Variants in KIRREL3 observed in about 807,000 individuals in gnomAD.
KIRREL3 encodes kirre like nephrin family adhesion molecule 3.
Under a neutral mutation model 89.7 loss-of-function variants are expected in KIRREL3, and 36 were observed. The ratio of observed to expected loss-of-function variants is 0.40; its 90% CI spans 0.31 to 0.53. The LOEUF is 0.53. Among genes scored for constraint, KIRREL3 ranks in the 20% least tolerant of loss-of-function variants. The pLI is 0.49. For synonymous variants in KIRREL3, 445 were observed against 441.4 expected (o/e 1.01, Z -0.10); for missense variants, 864 against 1,056.6 (o/e 0.82, Z 2.53).
In KIRREL3 at chr11:126,892,309, G is replaced by T. The variant is rs1457907162; in HGVS notation, c.55+108146C>A. On this transcript the variant is annotated intron_variant, in intron 1 of 16. Coordinates refer to ENST00000525144, the MANE Select transcript of KIRREL3 (RefSeq NM_032531.4). This position sits in a 1 kb window ranked among gnomAD's most constrained non-coding sequence, Gnocchi z 5.4. Reference sequence around the variant, plus strand: ...CAGCAGAAGCTGAGGGACTCCAGGGGACCCCAGCCCTCCTCAGGACCCACC... The same window carrying T: ...CAGCAGAAGCTGAGGGACTCCAGGGTACCCCAGCCCTCCTCAGGACCCACC... Among the ~76,000 whole-genome samples the T allele has an allele frequency of 2.0e-5, 3 of 152,044 alleles. No individual in the cohort carries two copies. The highest frequency in any genetic ancestry group is 6.6e-5 in the Admixed American group (1 of 15,258).
chr11:126,665,621 C>T (rs534719562), intron 1 of KIRREL3, among the ~76,000 whole-genome samples: 13 of 152,304 alleles, frequency 8.5e-5, no homozygotes, highest in Admixed American at 2.6e-4. Context: ...AACCAGGAGG[C>T]GGGTCTGGAC....
At chr11:126,794,659 G>C (rs1207208914) in intron 1 of KIRREL3, among the ~76,000 whole-genome samples, 4 of 152,252 alleles carry the variant, frequency 2.6e-5, no homozygotes, top group Non-Finnish European at 5.9e-5. Context: ...TGAATGCAAA[G>C]TGGTACGGCC....
At chr11:126,679,298 T>G (rs1165553556) in intron 1 of KIRREL3, among the ~76,000 whole-genome samples, 1 of 152,220 alleles carries the variant, frequency 6.6e-6, no homozygotes, top group Non-Finnish European at 1.5e-5. Context: ...AAACAATATA[T>G]AGCCTTGTGG....
chr11:126,512,743 G>C (rs1958265478), intron 4 of KIRREL3, among the ~76,000 whole-genome samples: 1 of 152,184 alleles, frequency 6.6e-6, no homozygotes, highest in Non-Finnish European at 1.5e-5. Flanking sequence ...GGTCACGCTT[G>C]GTTCCAGCAG....
At chr11:126,458,314 C>G (rs1956439089) in intron 6 of KIRREL3, among the ~76,000 whole-genome samples, 2 of 152,238 alleles carry the variant, frequency 1.3e-5, no homozygotes, top group Admixed American at 6.5e-5. Flanking sequence ...CTCTTTCGGT[C>G]CCCATGGGGG....
intron 1 of KIRREL3, among the ~76,000 whole-genome samples, chr11:126,590,529 G>T (rs1380767265): frequency 6.6e-6 from 1 of 152,196 alleles, no homozygotes; most frequent in Admixed American, 6.5e-5. Context: ...GGCTGCATGC[G>T]GCCCTGCTGT....
chr11:126,446,323 CCTTT>C (rs1191664012), intron 9 of KIRREL3, among the ~76,000 whole-genome samples: 2 of 146,910 alleles, frequency 1.4e-5, no homozygotes, highest in East Asian at 2.0e-4. Context: ...TTCCTTTCTT[CCTTT>C]CTTTCTTTCC....
At chr11:126,926,560 C>A (rs117907660) in intron 1 of KIRREL3, among the ~76,000 whole-genome samples, 1 of 152,148 alleles carries the variant, frequency 6.6e-6, no homozygotes, top group Non-Finnish European at 1.5e-5. Context: ...TCTCTACACA[C>A]GTCCCTTGCC....
chr11:126,650,656 CT>C (rs2134969714), intron 1 of KIRREL3, among the ~76,000 whole-genome samples: 1 of 152,296 alleles, frequency 6.6e-6, no homozygotes, highest in African/African-American at 2.4e-5. Flanking sequence ...TATCAGGCTT[CT>C]GGTCAAAGCC....
In KIRREL3 at chr11:126,607,394, T is replaced by C. The variant is rs1369663632; in HGVS notation, c.56-44482A>G. On this transcript the variant is annotated intron_variant, in intron 1 of 16. Transcript: ENST00000525144. The surrounding 1 kb of genome is among the most constrained non-coding windows in gnomAD (Gnocchi z 6.6). ...TACTCTTGGCTGGGAGAGGAAGGGC[T>C]GGAGGAGAGATCAGGAAGGAGAGAT... Among the ~76,000 whole-genome samples, 19 of 151,956 alleles carry C rather than the reference T, an allele frequency of 1.3e-4. No homozygotes were observed. Among genetic ancestry groups the C allele is most frequent in the Admixed American group, 1.2e-3 (19 of 15,260 alleles).
At chr11:126,439,559 G>A in intron 11 of KIRREL3, among the ~76,000 whole-genome samples, 1 of 149,828 alleles carries the variant, frequency 6.7e-6, no homozygotes, top group Non-Finnish European at 1.5e-5. Context: ...GCTCACGCCT[G>A]TAATCCCAGC....
rs1467356802 is a variant in KIRREL3, at chr11:126,527,740, C to T, written c.134-1053G>A. ...AGGGTTAACTGAATTGCCCAGGGAACTGTCTAGTGGGAGTTGGGGTGGGTG... is the reference window on the plus strand; with the variant it reads ...AGGGTTAACTGAATTGCCCAGGGAATTGTCTAGTGGGAGTTGGGGTGGGTG... On this transcript the variant is annotated intron_variant, in intron 2 of 16. Coordinates refer to ENST00000525144, the MANE Select transcript of KIRREL3 (RefSeq NM_032531.4). The surrounding 1 kb of genome is among the most constrained non-coding windows in gnomAD (Gnocchi z 4.2). 1.3e-5 allele frequency among the ~76,000 whole-genome samples: 2 copies of T among 152,086 alleles called. No individual in the cohort carries two copies. Among genetic ancestry groups the T allele is most frequent in the Non-Finnish European group, 2.9e-5 (2 of 68,010 alleles).
chr11:126,780,531 G>C lies in KIRREL3; in HGVS notation c.56-217619C>G, dbSNP rs991236832. 2.6e-5 allele frequency among the ~76,000 whole-genome samples: 4 copies of C among 152,136 alleles called. No individual in the cohort carries two copies. The highest frequency in any genetic ancestry group is 7.2e-5 in the African/African-American group (3 of 41,422). ...GCTTCTTTGAAAAATGAATTTGGGG[G>C]CTGAGATTTCTCATCAGTATATATC... On this transcript the variant is annotated intron_variant, in intron 1 of 16. Transcript: ENST00000525144. This position sits in a 1 kb window ranked among gnomAD's most constrained non-coding sequence, Gnocchi z 5.3.
intron 4 of KIRREL3, among the ~76,000 whole-genome samples, chr11:126,473,759 A>G (rs12791948): frequency 0.14 from 20,744 of 152,062 alleles, 1,611 homozygotes; most frequent in Non-Finnish European, 0.18. Flanking sequence ...CCAGAAGCAG[A>G]GCTCTGTGGC....
intron 12 of KIRREL3, 79 bp from the exon 13 acceptor site, chr11:126,435,382 A>C: frequency 2.1e-6 from 3 of 1,462,472 alleles, no homozygotes; most frequent in Non-Finnish European, 2.9e-6. Flanking sequence ...TAGCTGCTTG[A>C]GCGGGGCTGG....
In KIRREL3 at chr11:126,796,749, C is replaced by T. The variant is rs1950824789; in HGVS notation, c.55+203706G>A. On this transcript the variant is annotated intron_variant, in intron 1 of 16. Coordinates refer to ENST00000525144, the MANE Select transcript of KIRREL3 (RefSeq NM_032531.4). The surrounding 1 kb of genome is among the most constrained non-coding windows in gnomAD (Gnocchi z 5.1). ...GGAGTGCAGTGGCATGATCTTGGCT[C>T]ACTGCAGCCTCAACTTCCCAGGCTG... 6.6e-6 allele frequency among the ~76,000 whole-genome samples: 1 copy of T among 152,072 alleles called. No individual in the cohort carries two copies. The highest frequency in any genetic ancestry group is 1.5e-5 in the Non-Finnish European group (1 of 68,024).
In KIRREL3 at chr11:126,677,165, C is replaced by A. The variant is rs1304183905; in HGVS notation, c.56-114253G>T. ...GATTTGCACAACCACCACCACAGTC[C>A]ATTTAGAACCTTTTAAAATCACCCC... On this transcript the variant is annotated intron_variant, in intron 1 of 16. Transcript: ENST00000525144. The surrounding 1 kb of genome is among the most constrained non-coding windows in gnomAD (Gnocchi z 5.1). Among the ~76,000 whole-genome samples the A allele has an allele frequency of 6.6e-6, 1 of 152,042 alleles. No individual in the cohort carries two copies. The highest frequency in any genetic ancestry group is 1.5e-5 in the Non-Finnish European group (1 of 67,994).
At chr11:126,845,610 T>C (rs182259207) in intron 1 of KIRREL3, among the ~76,000 whole-genome samples, 47 of 152,274 alleles carry the variant, frequency 3.1e-4, no homozygotes, top group Admixed American at 1.6e-3. Context: ...CTTGTTACCA[T>C]GTGGCCGTCC....
At chr11:126,488,160 C>A (rs926808374) in intron 4 of KIRREL3, among the ~76,000 whole-genome samples, 1 of 152,202 alleles carries the variant, frequency 6.6e-6, no homozygotes, top group Non-Finnish European at 1.5e-5. Context: ...ACCTATTCAC[C>A]GGGGCAGGGA....
Sources: allele counts gnomAD v4.1 joint callset (sites outside exome capture counted in the v4.1 genomes callset), GRCh38; gene constraint gnomAD v4.1.1; non-coding constraint Gnocchi (gnomAD v3.1); transcripts MANE v1.5; gene names NCBI Gene and HGNC (gene_info 2026-07-23, HGNC 2026-07-21).